SNRPG: variants seen among roughly 807,000 people sequenced by gnomAD.
SNRPG encodes the protein small nuclear ribonucleoprotein polypeptide G.
In SNRPG, 3 loss-of-function variants were observed where a neutral mutation model predicts 13.9. The observed-to-expected ratio is 0.22, with a 90% confidence interval of 0.10 to 0.56. The LOEUF (loss-of-function observed/expected upper bound fraction) is 0.56, where lower values mean the gene tolerates loss of function less well. Ranked by LOEUF, SNRPG falls within the 20% of genes least tolerant of loss-of-function variation. SNRPG has a pLI of 0.93. For synonymous variants in SNRPG, 29 were observed against 29.3 expected, an observed-to-expected ratio of 0.99 and a Z score of 0.03; for missense variants, 34 against 96.1, an observed-to-expected ratio of 0.35 and a Z score of 2.70.
At chr2:70,285,476 G>A (rs1382929649) in intron 3 of SNRPG, among the ~76,000 whole-genome samples, 1 of 152,134 alleles carries the variant, frequency 6.6e-6, no homozygotes, top group African/African-American at 2.4e-5. Flanking sequence ...GGAAGCTGAG[G>A]CAGGAGAACT....
At position 70,291,014 on chromosome 2, in the gene SNRPG, AACACACACACAC is replaced by A. The variant is rs56202448; in HGVS notation, c.33-1654_33-1643del. ...CAATAAGAGTGAAACTCCATCTCAA[AACACACACACAC>A]ACACACACACACACACACACACACA... is the stretch of plus-strand genomic sequence containing the variant. On this transcript the variant is annotated intron_variant, in intron 1 of 3. Coordinates refer to ENST00000272348, the MANE Select transcript of SNRPG (RefSeq NM_003096.4). Among the ~76,000 whole-genome samples, 402 of 133,672 alleles carry A rather than the reference AACACACACACAC, an allele frequency of 3.0e-3. 3 individuals carry two copies. Among genetic ancestry groups the A allele is most frequent in the East Asian group, 0.012 (55 of 4,742 alleles). The allele number at this position is 133,672 out of a possible 152,430, so 87.7% of individuals were successfully genotyped here. A position where few individuals can be genotyped will look rare whatever the true frequency, so the allele number is the denominator to read the frequency against.
chr2:70,288,966 T>C (rs939422041), intron 2 of SNRPG, among the ~76,000 whole-genome samples: 12 of 152,166 alleles, frequency 7.9e-5, no homozygotes, highest in Admixed American at 5.9e-4. Context: ...ATTTTTTTTT[T>C]TTGAGACGGA....
intron 1 of SNRPG, chr2:70,293,117 G>T (rs561060904): frequency 4.3e-6 from 3 of 702,216 alleles, no homozygotes; most frequent in Non-Finnish European, 7.8e-6. Flanking sequence ...GCAAGAAAAA[G>T]GAATGAGGTT....
chr2:70,293,065 G>C (rs1697143013), intron 1 of SNRPG: 1 of 698,154 alleles, frequency 1.4e-6, no homozygotes, highest in Non-Finnish European at 2.6e-6. Context: ...TTCAACATCA[G>C]AGCAAGATAA....
intron 1 of SNRPG, 137 bp downstream of exon 1, chr2:70,293,470 GGGAGCCTGGCC>G: frequency 6.3e-6 from 5 of 787,462 alleles, no homozygotes; most frequent in Non-Finnish European, 1.1e-5. Context: ...TCTCATGCGC[GGGAGCCTGGCC>G]GGGATCCCGG....
intron 1 of SNRPG, among the ~76,000 whole-genome samples, chr2:70,292,334 A>C (rs1697121163): frequency 6.6e-6 from 1 of 151,774 alleles, no homozygotes; most frequent in Non-Finnish European, 1.5e-5. Flanking sequence ...ATACAAATGG[A>C]CCTTTAAATG....
At chr2:70,286,546 G>GGT in intron 3 of SNRPG, among the ~76,000 whole-genome samples, 1 of 152,188 alleles carries the variant, frequency 6.6e-6, no homozygotes, top group African/African-American at 2.4e-5. Flanking sequence ...GGGGTTGGGG[G>GGT]GCGTGTGTGT....
intron 2 of SNRPG, among the ~76,000 whole-genome samples, chr2:70,289,076 G>C (rs914164983): frequency 5.3e-5 from 8 of 151,944 alleles, no homozygotes; most frequent in African/African-American, 1.7e-4. Flanking sequence ...TCAGCCTCCC[G>C]AGTAACTGGG....
intron 3 of SNRPG, chr2:70,287,866 A>T: frequency 1.7e-6 from 1 of 584,636 alleles, no homozygotes; most frequent in Non-Finnish European, 3.0e-6. Context: ...CTAGGACCTT[A>T]GGTTCTGTAT....
intron 3 of SNRPG, among the ~76,000 whole-genome samples, chr2:70,284,158 T>TC (rs1696883401): frequency 6.6e-6 from 1 of 152,044 alleles, no homozygotes; most frequent in Non-Finnish European, 1.5e-5. Flanking sequence ...TTAACAGAGC[T>TC]CCCCTCCATT....
At chr2:70,283,721 G>A (rs1233202265) in intron 3 of SNRPG, among the ~76,000 whole-genome samples, 1 of 152,164 alleles carries the variant, frequency 6.6e-6, no homozygotes, top group Non-Finnish European at 1.5e-5. Flanking sequence ...GAACCTGGCA[G>A]CCAATTATCA....
chr2:70,289,117 AT>A (rs910632107), intron 2 of SNRPG, among the ~76,000 whole-genome samples: 2 of 151,400 alleles, frequency 1.3e-5, no homozygotes, highest in South Asian at 2.1e-4. Context: ...CACCCGGCTA[AT>A]TTTTTTTTGT....
At chr2:70,288,816 A>C (rs1019109382) in intron 2 of SNRPG, among the ~76,000 whole-genome samples, 3 of 152,192 alleles carry the variant, frequency 2.0e-5, no homozygotes, top group African/African-American at 2.4e-5. Flanking sequence ...ATTTTGCCAA[A>C]GTGAGGAAGG....
At chr2:70,287,455 G>A (rs1030352630) in intron 3 of SNRPG, 17 of 643,850 alleles carry the variant, frequency 2.6e-5, no homozygotes, top group Non-Finnish European at 4.4e-5. Flanking sequence ...AATGAATGTA[G>A]GAATGTTTAA....
At chr2:70,281,793 C>CG in intron 3 of SNRPG, 109 bp from the exon 4 acceptor site, 2 of 611,994 alleles carry the variant, frequency 3.3e-6, no homozygotes, top group South Asian at 2.1e-5. Flanking sequence ...TATTACATGT[C>CG]GGTTTGCAAA....
intron 3 of SNRPG, 36 bp downstream of exon 3, chr2:70,288,032 T>G (rs747222249): frequency 6.2e-7 from 1 of 1,605,296 alleles, no homozygotes; most frequent in East Asian, 2.2e-5. Flanking sequence ...AAAAGAAAAA[T>G]GAAATCTCCA....
chr2:70,283,096 C>CAAAA lies in SNRPG; in HGVS notation c.181-1416_181-1413dup, dbSNP rs57862220. 8.3e-3 allele frequency among the ~76,000 whole-genome samples: 115 copies of CAAAA among 13,934 alleles called. 10 individuals carry two copies. The highest frequency in any genetic ancestry group is 0.03 in the African/African-American group (86 of 2,914). 9.1% of individuals were successfully genotyped at this position (13,934 alleles called of 152,430 possible). On this transcript the variant is annotated intron_variant, in intron 3 of 3. Transcript: ENST00000272348. ...GGCAACGAGCGAAACTGTCTTTTGTCAAAAAAAAAAAAAAAAAAAAAAAAA... is the reference window on the plus strand; with the variant it reads ...GGCAACGAGCGAAACTGTCTTTTGTCAAAAAAAAAAAAAAAAAAAAAAAAAAAAA...
rs533588217 is a variant in SNRPG at position 70,287,904 on chromosome 2, G to A, written c.180+164C>T. 2.1e-4 allele frequency: 134 copies of A among 636,346 alleles called. 1 individual carries two copies. In the African/African-American group the frequency reaches 2.4e-3, roughly 11 times the overall value. 39.4% of individuals were successfully genotyped at this position (636,346 alleles called of 1,614,324 possible). A position where few individuals can be genotyped will look rare whatever the true frequency, so the allele number is the denominator to read the frequency against. ...TTGAGATCTTACCTACAGGTAACCA[G>A]GATATTACTACAGCTGAGTAACTGC... On this transcript the variant is annotated intron_variant, in intron 3 of 3. Transcript: ENST00000272348.
At chr2:70,283,122 A>AAAAAAAAAAAACAAC (rs1241967786) in intron 3 of SNRPG, among the ~76,000 whole-genome samples, 2 of 82,962 alleles carry the variant, frequency 2.4e-5, no homozygotes, top group Admixed American at 1.5e-4. Context: ...AAAAAAAAAA[A>AAAAAAAAAAAACAAC]AACAACAAAC....
Sources: allele counts gnomAD v4.1 joint callset (sites outside exome capture counted in the v4.1 genomes callset), GRCh38; gene constraint gnomAD v4.1.1; transcripts MANE v1.5; gene names NCBI Gene and HGNC (gene_info 2026-07-23, HGNC 2026-07-21).